LPCAT1: variants seen among roughly 807,000 people sequenced by gnomAD.
LPCAT1 encodes 1-acylglycerol-3-phosphate O-acyltransferase.
In LPCAT1, 23 loss-of-function variants were observed where a neutral mutation model predicts 60.9. The ratio of observed to expected loss-of-function variants is 0.38; its 90% confidence interval spans 0.27 to 0.53. LPCAT1 has a LOEUF of 0.53. LPCAT1 is among the 20% of genes least tolerant of loss of function. The pLI is 0.82. For missense variants in LPCAT1, 622 were observed against 723.6 expected, an observed-to-expected ratio of 0.86 and a Z score of 1.61; for synonymous variants, 340 against 301.1, an observed-to-expected ratio of 1.13 and a Z score of -1.34.
chr5:1,518,121 C>T (rs952467105), intron 1 of LPCAT1, among the ~76,000 whole-genome samples: 66 of 152,374 alleles, frequency 4.3e-4, no homozygotes, highest in African/African-American at 1.3e-3. Flanking sequence ...TCGAGCCCAC[C>T]CACTCCTGAC....
chr5:1,510,734 G>A (rs1736331230), intron 1 of LPCAT1: 1 of 152,338 alleles, frequency 6.6e-6, no homozygotes, highest in South Asian at 2.1e-4. Context: ...CACTGGGACT[G>A]GATGGTAGCA....
Position 1,480,898 on chromosome 5 carries a change from C to A in LPCAT1, c.761+44G>T, listed in dbSNP as rs1735112069. 1 of 1,612,764 alleles carries A rather than the reference C, an allele frequency of 6.2e-7. No homozygotes were observed. On this transcript the variant is annotated intron_variant, in intron 7 of 13. Transcript: ENST00000283415. This position sits in a 1 kb window ranked among gnomAD's most constrained non-coding sequence, Gnocchi z 6.4. ...AGACCCCAAGCAGCCCCTACGTGTTCATGGAACAACAGGACAAAGAGGACG... is the reference window on the plus strand; with the variant it reads ...AGACCCCAAGCAGCCCCTACGTGTTAATGGAACAACAGGACAAAGAGGACG...
intron 1 of LPCAT1, among the ~76,000 whole-genome samples, chr5:1,506,500 C>T (rs1347551276): frequency 6.6e-6 from 1 of 152,254 alleles, no homozygotes; most frequent in Non-Finnish European, 1.5e-5. Flanking sequence ...TCCTCATGCC[C>T]CCACGCCCTG....
At chr5:1,473,354 T>C (rs990117883) in intron 11 of LPCAT1, among the ~76,000 whole-genome samples, 4 of 152,244 alleles carry the variant, frequency 2.6e-5, no homozygotes, top group African/African-American at 9.6e-5. Context: ...GGCTGACCTG[T>C]GGCTCGCCGT....
In LPCAT1 at chr5:1,523,151, C is replaced by T. The variant is rs1276989189; in HGVS notation, c.135+559G>A. Among the ~76,000 whole-genome samples, 1 of 152,210 alleles carries T rather than the reference C, an allele frequency of 6.6e-6. No individual in the cohort carries two copies. Among genetic ancestry groups the T allele is most frequent in the Admixed American group, 6.5e-5 (1 of 15,286 alleles). On this transcript the variant is annotated intron_variant, in intron 1 of 13. Coordinates refer to ENST00000283415, the MANE Select transcript of LPCAT1 (RefSeq NM_024830.5). This position sits in a 1 kb window ranked among gnomAD's most constrained non-coding sequence, Gnocchi z 7.1. ...AGGGGACCCTACAGGGGACCCGCAC[C>T]GCCCGCGCGCCCTGTCCCGGGCACC...
chr5:1,497,129 C>A (rs1166947902), intron 2 of LPCAT1, among the ~76,000 whole-genome samples: 1 of 152,200 alleles, frequency 6.6e-6, no homozygotes, highest in Non-Finnish European at 1.5e-5. Flanking sequence ...ATCCACCACG[C>A]TCGCCAAGAG....
rs956161851 is a variant in LPCAT1 at position 1,480,328 on chromosome 5, C to T, written c.761+614G>A. ...ACCTTCACCTGAAAGCACCAGCGGA[C>T]CCACATCCTCCCAAACGCCTGGAAT... On this transcript the variant is annotated intron_variant, in intron 7 of 13. Coordinates refer to ENST00000283415, the MANE Select transcript of LPCAT1 (RefSeq NM_024830.5). This position sits in a 1 kb window ranked among gnomAD's most constrained non-coding sequence, Gnocchi z 6.4. The T allele has an allele frequency of 4.8e-5, 47 of 984,958 alleles. No individual in the cohort carries two copies. Among genetic ancestry groups the T allele is most frequent in the African/African-American group, 7.0e-5 (4 of 57,112 alleles). The allele number at this position is 984,958 out of a possible 1,614,324, so 61.0% of individuals were successfully genotyped here.
intron 5 of LPCAT1, among the ~76,000 whole-genome samples, chr5:1,488,026 C>A (rs1226667899): frequency 6.6e-6 from 1 of 152,100 alleles, no homozygotes; most frequent in Non-Finnish European, 1.5e-5. Context: ...ACCTGGGATT[C>A]CCAGGCGGGT....
At position 1,522,864 on chromosome 5, in the gene LPCAT1, G is replaced by A. The variant is rs368849624; in HGVS notation, c.135+846C>T. Among the ~76,000 whole-genome samples, 15 of 152,256 alleles carry A rather than the reference G, an allele frequency of 9.9e-5. No individual in the cohort carries two copies. The highest frequency in any genetic ancestry group is 7.7e-4 in the East Asian group (4 of 5,168). ...AAGCCCAGCTGGCAGCCAGGTAGCC[G>A]GAAAAGCCAGGCTGAGCCAGCACAT... On this transcript the variant is annotated intron_variant, in intron 1 of 13. Coordinates refer to ENST00000283415, the MANE Select transcript of LPCAT1 (RefSeq NM_024830.5). This position sits in a 1 kb window ranked among gnomAD's most constrained non-coding sequence, Gnocchi z 6.8.
chr5:1,504,192 G>T (rs1223077831), intron 1 of LPCAT1, among the ~76,000 whole-genome samples: 1 of 152,224 alleles, frequency 6.6e-6, no homozygotes, highest in East Asian at 1.9e-4. Context: ...GGACCACCTT[G>T]ATTTAATCCC....
At position 1,523,765 on chromosome 5, in the gene LPCAT1, G is replaced by C. The variant is rs1329019786; in HGVS notation, c.80C>G (p.Pro27Arg). 3.5e-6 allele frequency: 4 copies of C among 1,155,424 alleles called. No homozygotes were observed. The highest frequency in any genetic ancestry group is 1.7e-5 in the African/African-American group (1 of 60,148). The allele number at this position is 1,155,424 out of a possible 1,614,324, so 71.6% of individuals were successfully genotyped here. ...CTCGTGCACGAAGGGGTTCCGCCCC[G>C]GGGGCGCCAGCAGCCGAGCGTCGCT... ...GASDARLLAP[P>R]GRNPFVHELR... is the part of the protein sequence containing the mutation. The change falls in exon 1 of 14, where the codon CCG becomes CGG. Residue 27 changes from proline (P) to arginine (R), a missense_variant. Around this residue, in one of 3 missense-constraint regions of LPCAT1, gnomAD observed 125 missense variants for 114.5 expected, o/e 1.09. Transcript: ENST00000283415. The surrounding 1 kb of genome is among the most constrained non-coding windows in gnomAD (Gnocchi z 7.1).
chr5:1,491,305 T>C (rs1735571961), intron 3 of LPCAT1, among the ~76,000 whole-genome samples: 1 of 101,624 alleles, frequency 9.8e-6, no homozygotes. Flanking sequence ...CGGTGCCCAC[T>C]GTTTTGGCCA....
At position 1,494,711 on chromosome 5, in the gene LPCAT1, G is replaced by C; in HGVS notation, c.482C>G (p.Pro161Arg). 6.2e-7 allele frequency: 1 copy of C among 1,614,148 alleles called. No individual in the cohort carries two copies. Among genetic ancestry groups the C allele is most frequent in the African/African-American group, 1.3e-5 (1 of 75,048 alleles). ...IVMKAESRDI[P>R]IWGTLIQYIR... ...GGTGTCTCACTCACTTCCCCAGATCGGGATGTCTCTGCTCTCTGCCTTCAT... is the reference window on the plus strand; with the variant it reads ...GGTGTCTCACTCACTTCCCCAGATCCGGATGTCTCTGCTCTCTGCCTTCAT... The change falls in exon 3 of 14, where the codon CCG (proline) becomes CGG (arginine). Residue 161 changes from proline to arginine, a missense_variant. By Grantham distance (103) the Pro-to-Arg change is moderately radical. Transcript: ENST00000283415.
At position 1,523,958 on chromosome 5, in the gene LPCAT1, G is replaced by C; in HGVS notation, c.-114C>G. 6 of 768,428 alleles carry C rather than the reference G, an allele frequency of 7.8e-6. No individual in the cohort carries two copies. The highest frequency in any genetic ancestry group is 9.5e-6 in the Non-Finnish European group (6 of 631,278). The allele number at this position is 768,428 out of a possible 1,614,324, so 47.6% of individuals were successfully genotyped here. A position where few individuals can be genotyped will look rare whatever the true frequency, so the allele number is the denominator to read the frequency against. Reference sequence around the variant, plus strand: ...GCCGAGGATGCGCGGCGGCTGGAGCGGGCCGGGCGCGCAGGCGCGGGAGGT... The same window carrying C: ...GCCGAGGATGCGCGGCGGCTGGAGCCGGCCGGGCGCGCAGGCGCGGGAGGT... On this transcript the variant is annotated 5_prime_UTR_variant, in exon 1 of 14. Transcript: ENST00000283415. The surrounding 1 kb of genome is among the most constrained non-coding windows in gnomAD (Gnocchi z 7.1).
At chr5:1,514,229 GGGCCCGGCACA>G (rs1169032855) in intron 1 of LPCAT1, among the ~76,000 whole-genome samples, 1 of 152,218 alleles carries the variant, frequency 6.6e-6, no homozygotes, top group Non-Finnish European at 1.5e-5. Flanking sequence ...TGGGCACAAG[GGGCCCGGCACA>G]GGCCAGGCAC....
intron 1 of LPCAT1, among the ~76,000 whole-genome samples, chr5:1,513,145 G>A (rs1036622133): frequency 7.2e-5 from 11 of 152,156 alleles, no homozygotes; most frequent in Admixed American, 3.3e-4. Context: ...GGCAGGTGCC[G>A]GAGCCGCTCC....
At chr5:1,518,861 A>G (rs1736587818) in intron 1 of LPCAT1, among the ~76,000 whole-genome samples, 1 of 152,240 alleles carries the variant, frequency 6.6e-6, no homozygotes, top group Non-Finnish European at 1.5e-5. Context: ...AGCCACGACC[A>G]CAGGCAGTGA....
intron 5 of LPCAT1, among the ~76,000 whole-genome samples, chr5:1,485,648 G>A (rs1735342142): frequency 1.3e-5 from 2 of 152,280 alleles, no homozygotes; most frequent in South Asian, 4.1e-4. Flanking sequence ...CACCCCACAG[G>A]AAGAAACAGT....
rs1734112516 is a variant in LPCAT1 at position 1,461,905 on chromosome 5, TA to T, written c.*1745del. 6.6e-6 allele frequency: 1 copy of T among 152,602 alleles called. No homozygotes were observed. The highest frequency in any genetic ancestry group is 6.5e-5 in the Admixed American group (1 of 15,272). The allele number at this position is 152,602 out of a possible 1,614,324, so 9.5% of individuals were successfully genotyped here. A position where few individuals can be genotyped will look rare whatever the true frequency, so the allele number is the denominator to read the frequency against. On this transcript the variant is annotated 3_prime_UTR_variant, in exon 14 of 14. Transcript: ENST00000283415. ...TGAATCTTTACGCATTCTCCAATTA[TA>T]AAATCAGTGACTGTTAGCTACCAAA...
Sources: gnomAD v4.1 joint callset for allele counts (sites outside exome capture counted in the v4.1 genomes callset) on GRCh38, gnomAD v4.1.1 for gene constraint, gnomAD v4.1.1 regional missense constraint, Gnocchi (gnomAD v3.1) non-coding constraint, MANE v1.5 for transcripts, NCBI Gene and HGNC (gene_info 2026-07-23, HGNC 2026-07-21) for gene names.